The following ABHD6 variants were observed in gnomAD, a reference collection of about 807,000 sequenced individuals.
ABHD6 encodes abhydrolase domain containing 6, acylglycerol lipase.
Under a neutral mutation model 38.8 loss-of-function variants are expected in ABHD6, and 33 were observed. That is an observed-to-expected ratio of 0.85 (90% CI 0.64 to 1.14). ABHD6 has a LOEUF of 1.14. Among genes scored for constraint, ABHD6 ranks in the 50% most tolerant of loss-of-function variants. ABHD6 has a pLI of 0.00. For synonymous variants in ABHD6, 147 were observed against 161.6 expected (o/e 0.91, Z 0.69); for missense variants, 380 against 422.6 (o/e 0.90, Z 0.88).
At chr3:58,253,114 A>C (rs1312535291) in intron 2 of ABHD6, among the ~76,000 whole-genome samples, 1 of 151,862 alleles carries the variant, frequency 6.6e-6, no homozygotes, top group Non-Finnish European at 1.5e-5. Flanking sequence ...GGCAGATGCG[A>C]CCTTCGCTGA....
rs539940418 is a variant in ABHD6, at chr3:58,251,336, A to G, written c.-26+1394A>G. Among the ~76,000 whole-genome samples, 2 of 152,194 alleles carry G rather than the reference A, an allele frequency of 1.3e-5. No homozygotes were observed. The highest frequency in any genetic ancestry group is 1.9e-4 in the East Asian group (1 of 5,176). On this transcript the variant is annotated intron_variant, in intron 2 of 9. Coordinates refer to ENST00000478253, the MANE Select transcript of ABHD6 (RefSeq NM_001320126.2). The surrounding 1 kb of genome is among the most constrained non-coding windows in gnomAD (Gnocchi z 5.4). ...CATCTAAAAAAAAAAAAGAAAGAAA[A>G]AAAGACAGAAATCAGTAAGTCAGGC...
intron 7 of ABHD6, among the ~76,000 whole-genome samples, chr3:58,279,357 CT>C (rs1435040396): frequency 3.3e-5 from 5 of 152,082 alleles, no homozygotes; most frequent in African/African-American, 1.2e-4. Flanking sequence ...ATGTAATGGC[CT>C]TCTTTGTCTC....
intron 2 of ABHD6, among the ~76,000 whole-genome samples, chr3:58,250,432 G>A (rs1288166407): frequency 6.6e-6 from 1 of 152,084 alleles, no homozygotes; most frequent in Admixed American, 6.6e-5. Context: ...TACATGGGGC[G>A]GTCAGAGTTC....
chr3:58,252,374 C>T (rs1013161054), intron 2 of ABHD6, among the ~76,000 whole-genome samples: 1 of 151,362 alleles, frequency 6.6e-6, no homozygotes, highest in Admixed American at 6.6e-5. Context: ...CCACCATGCC[C>T]GGCTAATTTT....
chr3:58,250,595 T>C (rs1487419983), intron 2 of ABHD6, among the ~76,000 whole-genome samples: 2 of 152,002 alleles, frequency 1.3e-5, no homozygotes, highest in East Asian at 1.9e-4. Flanking sequence ...CTGGACCCAG[T>C]GTGGTGGCTG....
At chr3:58,284,359 C>G (rs985119189) in intron 7 of ABHD6, among the ~76,000 whole-genome samples, 1 of 152,108 alleles carries the variant, frequency 6.6e-6, no homozygotes, top group African/African-American at 2.4e-5. Context: ...TTTAATAGAC[C>G]TATCATCCCC....
chr3:58,290,539 G>T (rs1185044911), intron 9 of ABHD6, among the ~76,000 whole-genome samples: 2 of 137,162 alleles, frequency 1.5e-5, no homozygotes, highest in African/African-American at 5.6e-5. Context: ...CCTCCCTCCC[G>T]GACGGGTCGG....
chr3:58,272,043 A>T (rs757151584), intron 6 of ABHD6, among the ~76,000 whole-genome samples: 3 of 152,050 alleles, frequency 2.0e-5, no homozygotes, highest in Non-Finnish European at 2.9e-5. Context: ...GCCTCAAGTG[A>T]TCTGCCCGCC....
At chr3:58,249,154 T>C (rs1345108850) in intron 1 of ABHD6, among the ~76,000 whole-genome samples, 1 of 152,224 alleles carries the variant, frequency 6.6e-6, no homozygotes, top group Non-Finnish European at 1.5e-5. Context: ...TCTCTTTCCA[T>C]GTGGAGATTT....
rs1249046650 is a variant in ABHD6, at chr3:58,240,967, T to A, written c.-91+3051T>A. Among the ~76,000 whole-genome samples the A allele has an allele frequency of 3.3e-4, 50 of 151,928 alleles. 1 individual carries two copies. The highest frequency in any genetic ancestry group is 3.3e-3 in the Admixed American group (50 of 15,250). ...CTGGTCTCGAACTCCCGACCTCAGG[T>A]GATCTGCCCGCCTCTACCTCCCAAA... On this transcript the variant is annotated intron_variant, in intron 1 of 9. Transcript: ENST00000478253.
At chr3:58,243,387 A>G (rs1055077218) in intron 1 of ABHD6, among the ~76,000 whole-genome samples, 10 of 152,178 alleles carry the variant, frequency 6.6e-5, no homozygotes, top group African/African-American at 2.2e-4. Flanking sequence ...TTGAGAGAGA[A>G]GTGTTCATAC....
chr3:58,275,487 G>A (rs761325096), intron 7 of ABHD6, among the ~76,000 whole-genome samples: 9 of 151,786 alleles, frequency 5.9e-5, no homozygotes, highest in Admixed American at 1.3e-4. Context: ...GCGCCACCAC[G>A]CCTGGCTAAT....
rs923201815 is a variant in ABHD6, at chr3:58,267,653, G to C, written c.276+308G>C. ...GCACTTAGCCTGGGCAACAGAATAA[G>C]ACTCTGTCTCAAAAAAAATAAAAAT... On this transcript the variant is annotated intron_variant, in intron 4 of 9. Transcript: ENST00000478253. This position sits in a 1 kb window ranked among gnomAD's most constrained non-coding sequence, Gnocchi z 4.3. Among the ~76,000 whole-genome samples the C allele has an allele frequency of 1.3e-5, 2 of 151,906 alleles. No individual in the cohort carries two copies. The highest frequency in any genetic ancestry group is 4.8e-5 in the African/African-American group (2 of 41,352).
Position 58,273,467 on chromosome 3 carries a change from A to G in ABHD6, c.524-1191A>G, listed in dbSNP as rs1038927094. 5.9e-5 allele frequency among the ~76,000 whole-genome samples: 9 copies of G among 152,300 alleles called. No homozygotes were observed. The highest frequency in any genetic ancestry group is 7.4e-5 in the Non-Finnish European group (5 of 68,022). On this transcript the variant is annotated intron_variant, in intron 6 of 9. Coordinates refer to ENST00000478253, the MANE Select transcript of ABHD6 (RefSeq NM_001320126.2). This position sits in a 1 kb window ranked among gnomAD's most constrained non-coding sequence, Gnocchi z 4.8. ...ACTATTTACGATAGCAAAGACTTGG[A>G]ACTAACCCAAATGCCCACCAATGAT...
chr3:58,243,757 T>G (rs780759940), intron 1 of ABHD6, among the ~76,000 whole-genome samples: 9 of 151,796 alleles, frequency 5.9e-5, no homozygotes, highest in Non-Finnish European at 1.0e-4. Context: ...GCCTCCTGAG[T>G]TCAAGGCATT....
rs1353461279 is a variant in ABHD6, at chr3:58,293,937, C to A, written c.*172C>A. On this transcript the variant is annotated 3_prime_UTR_variant, in exon 10 of 10. Coordinates refer to ENST00000478253, the MANE Select transcript of ABHD6 (RefSeq NM_001320126.2). This position sits in a 1 kb window ranked among gnomAD's most constrained non-coding sequence, Gnocchi z 4.4. ...CGGTTCCCCAGAGCTTTGGGGACCACGCGAAAACCTCCAAGATATTTTTCA... is the reference window on the plus strand; with the variant it reads ...CGGTTCCCCAGAGCTTTGGGGACCAAGCGAAAACCTCCAAGATATTTTTCA... The A allele has an allele frequency of 1.7e-6, 1 of 594,412 alleles. No individual in the cohort carries two copies. The highest frequency in any genetic ancestry group is 1.9e-5 in the African/African-American group (1 of 53,764). 36.8% of individuals were successfully genotyped at this position (594,412 alleles called of 1,614,324 possible).
chr3:58,264,780 G>A (rs2097439768), intron 3 of ABHD6, among the ~76,000 whole-genome samples: 1 of 151,988 alleles, frequency 6.6e-6, no homozygotes, highest in African/African-American at 2.4e-5. Context: ...AAAATTTGGG[G>A]GGTACATAGT....
chr3:58,281,712 A>G (rs1343980500), intron 7 of ABHD6, among the ~76,000 whole-genome samples: 1 of 152,246 alleles, frequency 6.6e-6, no homozygotes, highest in Non-Finnish European at 1.5e-5. Flanking sequence ...AGCTGTTCCT[A>G]TTCGGCCATC....
chr3:58,251,512 G>A lies in ABHD6; in HGVS notation c.-26+1570G>A, dbSNP rs986270512. Among the ~76,000 whole-genome samples the A allele has an allele frequency of 6.6e-6, 1 of 152,180 alleles. No individual in the cohort carries two copies. The highest frequency in any genetic ancestry group is 6.5e-5 in the Admixed American group (1 of 15,280). On this transcript the variant is annotated intron_variant, in intron 2 of 9. Coordinates refer to ENST00000478253, the MANE Select transcript of ABHD6 (RefSeq NM_001320126.2). The surrounding 1 kb of genome is among the most constrained non-coding windows in gnomAD (Gnocchi z 5.4). Reference sequence around the variant, plus strand: ...ACAACATTAAAGAAAATTGTGAGATGTGCCTTACTCCTAACCCCAGATTAA... The same window carrying A: ...ACAACATTAAAGAAAATTGTGAGATATGCCTTACTCCTAACCCCAGATTAA...
Sources: allele counts gnomAD v4.1 joint callset (sites outside exome capture counted in the v4.1 genomes callset), GRCh38; gene constraint gnomAD v4.1.1; non-coding constraint Gnocchi (gnomAD v3.1); transcripts MANE v1.5; gene names NCBI Gene and HGNC (gene_info 2026-07-23, HGNC 2026-07-21).